Variants in MYL6B observed in about 807,000 individuals in gnomAD.
The protein encoded by MYL6B is myosin alkali light chain 1 slow a.
Under a neutral mutation model 24.5 loss-of-function variants are expected in MYL6B, and 19 were observed. The observed-to-expected ratio is 0.78, with a 90% confidence interval of 0.54 to 1.14. The LOEUF (loss-of-function observed/expected upper bound fraction) is 1.14. Among genes scored for constraint, MYL6B ranks in the 50% most tolerant of loss-of-function variants. The pLI is 0.00. For missense variants in MYL6B, 230 were observed against 263.8 expected, an observed-to-expected ratio of 0.87 and a Z score of 0.89; for synonymous variants, 90 against 100.7, an observed-to-expected ratio of 0.89 and a Z score of 0.64.
In MYL6B at chr12:56,154,720, C is replaced by T. The variant is rs967944224; in HGVS notation, c.175-93C>T. 37 of 1,455,024 alleles carry T rather than the reference C, an allele frequency of 2.5e-5. No homozygotes were observed. The African/African-American group carries it at 4.8e-4, about 19-fold the overall frequency. The allele number at this position is 1,455,024 out of a possible 1,614,324, so 90.1% of individuals were successfully genotyped here. ...CTTCCAGCCTGGTCCCTTTGGGCCC[C>T]TCCTCAGAAGTGGCTGCCAGTTGGT... is the stretch of plus-strand genomic sequence containing the variant. On this transcript the variant is annotated intron_variant, in intron 2 of 6. Coordinates refer to ENST00000553066, the Ensembl canonical transcript of MYL6B.
intron 1 of MYL6B, among the ~76,000 whole-genome samples, chr12:56,152,899 C>A (rs894027066): frequency 6.6e-6 from 1 of 152,032 alleles, no homozygotes; most frequent in Non-Finnish European, 1.5e-5. Context: ...AATCCCTCCC[C>A]ACTCCCAAAC....
At position 56,157,769 on chromosome 12, in the gene MYL6B, G is replaced by A. The variant is rs745876072; in HGVS notation, c.*43G>A. The A allele has an allele frequency of 1.6e-5, 26 of 1,604,482 alleles. 1 individual carries two copies. Among genetic ancestry groups the A allele is most frequent in the Middle Eastern group, 1.6e-4 (1 of 6,076 alleles). ...CTCCCACCCCTTCGCCGCGCCTTAC[G>A]AGGCAAGTCTCCCGCCCTTCTCTCA... On this transcript the variant is annotated 3_prime_UTR_variant, in exon 7 of 7. Transcript: ENST00000553066.
intron 1 of MYL6B, 58 bp downstream of exon 1, chr12:56,152,689 AGTGTGTGTGTGTGTGTGTGTGTC>A (rs1224184760): frequency 2.7e-5 from 4 of 149,620 alleles, no homozygotes; most frequent in East Asian, 2.0e-4. Context: ...GGGGTGCGTG[AGTGTGTGTGTGTGTGTGTGTGTC>A]GTGTGTGTGT....
chr12:56,157,566 G>A, intron 6 of MYL6B, 21 bp downstream of exon 6: 1 of 1,524,746 alleles, frequency 6.6e-7, no homozygotes, highest in Non-Finnish European at 9.1e-7. Flanking sequence ...AAAAAAGCGG[G>A]AGCGGGGCCG....
chr12:56,154,230 AT>A, intron 2 of MYL6B, 138 bp downstream of exon 2: 1 of 837,222 alleles, frequency 1.2e-6, no homozygotes, highest in Non-Finnish European at 1.8e-6. Context: ...TTAGTCCCCC[AT>A]TTGGAAGCAT....
intron 5 of MYL6B, chr12:56,155,921 T>C (rs760800651): frequency 2.5e-6 from 3 of 1,215,130 alleles, no homozygotes; most frequent in Non-Finnish European, 3.1e-6. Flanking sequence ...TCAGCAGTAC[T>C]AGGGTGAAAT....
chr12:56,155,980 A>G, intron 5 of MYL6B: 1 of 1,171,472 alleles, frequency 8.5e-7, no homozygotes, highest in East Asian at 6.7e-5. Flanking sequence ...TTGAGGACTG[A>G]GGCTATGGGA....
In MYL6B at chr12:56,155,399, T is replaced by C. The variant is rs1009241637; in HGVS notation, c.347-20T>C. ...TGTAATACTACAATGACCTCTCCTT[T>C]ACCTCTCTCCAACCTCCAGAGCTGA... is the stretch of plus-strand genomic sequence containing the variant. On this transcript the variant is annotated intron_variant, in intron 4 of 6. Transcript: ENST00000553066. 3 of 1,614,094 alleles carry C rather than the reference T, an allele frequency of 1.9e-6. No individual in the cohort carries two copies. The highest frequency in any genetic ancestry group is 2.7e-5 in the African/African-American group (2 of 74,924).
intron 5 of MYL6B, chr12:56,156,218 A>G (rs759651574): frequency 1.7e-5 from 3 of 174,908 alleles, no homozygotes; most frequent in Non-Finnish European, 3.5e-5. Flanking sequence ...AGGCAGGAGA[A>G]TCGCTGGAAC....
intron 5 of MYL6B, among the ~76,000 whole-genome samples, chr12:56,156,587 A>G (rs541620086): frequency 1.3e-5 from 2 of 152,020 alleles, no homozygotes; most frequent in African/African-American, 4.8e-5. Flanking sequence ...CCTGGGTGAT[A>G]GAGCAAGACT....
chr12:56,153,060 G>C (rs574082277), intron 1 of MYL6B, among the ~76,000 whole-genome samples: 1 of 152,004 alleles, frequency 6.6e-6, no homozygotes, highest in East Asian at 1.9e-4. Flanking sequence ...AATTTAAGCC[G>C]TCTCCCAGAG....
At chr12:56,156,529 C>T (rs1297389964) in intron 5 of MYL6B, among the ~76,000 whole-genome samples, 3 of 151,546 alleles carry the variant, frequency 2.0e-5, no homozygotes, top group African/African-American at 7.3e-5. Flanking sequence ...CGCTTTAACC[C>T]GGGAGGTGGA....
At chr12:56,155,177 C>T (rs745558717) in exon 4 of MYL6B, 3 of 1,610,898 alleles carry the variant, frequency 1.9e-6, no homozygotes, top group South Asian at 2.2e-5. Flanking sequence ...GCTCAAGGTC[C>T]TGGGGAACCC....
intron 5 of MYL6B, chr12:56,156,952 C>G (rs889815989): frequency 6.6e-6 from 1 of 150,676 alleles, no homozygotes; most frequent in Non-Finnish European, 1.5e-5. Flanking sequence ...CTTCGAAGGC[C>G]GATGTGAATC....
Position 56,155,043 on chromosome 12 carries a change from C to T in MYL6B, c.203-12C>T. 1 of 1,605,704 alleles carries T rather than the reference C, an allele frequency of 6.2e-7. No homozygotes were observed. On this transcript the variant is annotated splice_polypyrimidine_tract_variant and intron_variant, in intron 3 of 6. Transcript: ENST00000553066. ...TAGTCAGTGTCTACACTGACCCTTC[C>T]TTATACTTTAGAGTTCAAGGAGGCC... is the stretch of plus-strand genomic sequence containing the variant.
intron 1 of MYL6B, chr12:56,153,407 C>T (rs969351311): frequency 4.6e-5 from 45 of 985,388 alleles, no homozygotes; most frequent in Non-Finnish European, 5.2e-5. Context: ...AAGCCATGGT[C>T]AGAAGGGAGT....
chr12:56,155,635 G>T (rs1326795957), intron 5 of MYL6B, 43 bp downstream of exon 5: 1 of 1,611,690 alleles, frequency 6.2e-7, no homozygotes, highest in East Asian at 2.2e-5. Context: ...AGAGTGGAGA[G>T]GGGGATGGGG....
rs769569428 is a variant in MYL6B at position 56,157,686 on chromosome 12, C to T, written c.599-12C>T. 2 of 1,613,084 alleles carry T rather than the reference C, an allele frequency of 1.2e-6. No homozygotes were observed. Among genetic ancestry groups the T allele is most frequent in the Non-Finnish European group, 1.7e-6 (2 of 1,180,030 alleles). ...CTGCTTCTGAAGCCCCTCTTGCCTC[C>T]TCTCTCTGCAGCCTTCTTGAAACAC... On this transcript the variant is annotated splice_polypyrimidine_tract_variant and intron_variant, in intron 6 of 6. Transcript: ENST00000553066.
chr12:56,156,979 TG>T, intron 5 of MYL6B: 1 of 146,582 alleles, frequency 6.8e-6, no homozygotes, highest in African/African-American at 2.6e-5. Context: ...GCCCAGGAGG[TG>T]GAAGTTGCAG....
Sources: gnomAD v4.1 joint callset for allele counts (sites outside exome capture counted in the v4.1 genomes callset) on GRCh38, gnomAD v4.1.1 for gene constraint, MANE v1.5 for transcripts, NCBI Gene and HGNC (gene_info 2026-07-23, HGNC 2026-07-21) for gene names.